CLINT1: variants seen among roughly 807,000 people sequenced by gnomAD.
CLINT1 encodes clathrin interactor 1.
A neutral mutation model predicts 70.4 loss-of-function variants in CLINT1; 15 were observed. The observed-to-expected ratio is 0.21, with a 90% confidence interval of 0.14 to 0.33. The LOEUF (loss-of-function observed/expected upper bound fraction) is 0.33, where lower values mean the gene tolerates loss of function less well. Among genes scored for constraint, CLINT1 ranks in the 10% least tolerant of loss-of-function variants. CLINT1 has a pLI of 1.00. For missense variants in CLINT1, 615 were observed against 778.1 expected, an observed-to-expected ratio of 0.79 and a Z score of 2.49; for synonymous variants, 227 against 254.7, an observed-to-expected ratio of 0.89 and a Z score of 1.04.
At chr5:157,834,931 A>G (rs961089092) in intron 1 of CLINT1, among the ~76,000 whole-genome samples, 20 of 152,162 alleles carry the variant, frequency 1.3e-4, no homozygotes, top group African/African-American at 4.8e-4. Context: ...AAATTTGCCT[A>G]CTCACTAAAA....
chr5:157,840,261 A>C (rs1246499986), intron 1 of CLINT1, among the ~76,000 whole-genome samples: 3 of 151,574 alleles, frequency 2.0e-5, no homozygotes, highest in East Asian at 1.9e-4. Context: ...AAAAAAAAAA[A>C]ACAAAAAACT....
intron 1 of CLINT1, among the ~76,000 whole-genome samples, chr5:157,841,548 A>C (rs1241142465): frequency 6.6e-6 from 1 of 152,176 alleles, no homozygotes; most frequent in Admixed American, 6.5e-5. Flanking sequence ...CCTGGGTGAC[A>C]GAGTGAGACT....
chr5:157,804,442 A>G (rs1014304562), intron 7 of CLINT1, among the ~76,000 whole-genome samples: 3 of 152,180 alleles, frequency 2.0e-5, no homozygotes, highest in African/African-American at 7.2e-5. Flanking sequence ...TTAGAACTCA[A>G]TTATTAGGCA....
At chr5:157,812,148 A>G (rs1762584058) in intron 5 of CLINT1, among the ~76,000 whole-genome samples, 1 of 148,152 alleles carries the variant, frequency 6.7e-6, no homozygotes, top group Non-Finnish European at 1.5e-5. Context: ...TGAGAGTGGG[A>G]AAGCAGAGGA....
intron 8 of CLINT1, 112 bp downstream of exon 8, chr5:157,803,538 A>T (rs1762292445): frequency 1.5e-6 from 1 of 659,346 alleles, no homozygotes; most frequent in Non-Finnish European, 2.3e-6. Flanking sequence ...CTAATTTCAT[A>T]TAAAAAATGA....
At chr5:157,829,424 A>T (rs1581520190) in intron 1 of CLINT1, among the ~76,000 whole-genome samples, 1 of 152,256 alleles carries the variant, frequency 6.6e-6, no homozygotes, top group East Asian at 1.9e-4. Flanking sequence ...AAAGGGTTCC[A>T]GGGAAGGTCT....
chr5:157,836,411 T>C (rs1763424605), intron 1 of CLINT1, among the ~76,000 whole-genome samples: 1 of 152,220 alleles, frequency 6.6e-6, no homozygotes, highest in African/African-American at 2.4e-5. Context: ...GACCATGTTA[T>C]TAATTGCTGT....
At chr5:157,836,980 A>G (rs756935481) in intron 1 of CLINT1, among the ~76,000 whole-genome samples, 2 of 152,232 alleles carry the variant, frequency 1.3e-5, no homozygotes, top group Non-Finnish European at 2.9e-5. Context: ...TGATCAATAA[A>G]TACTCATTAT....
chr5:157,846,166 T>C (rs1056982020), intron 1 of CLINT1, among the ~76,000 whole-genome samples: 1 of 152,176 alleles, frequency 6.6e-6, no homozygotes. Flanking sequence ...AATCAAAAGC[T>C]AGAAATGATT....
At chr5:157,845,847 C>G (rs922278640) in intron 1 of CLINT1, among the ~76,000 whole-genome samples, 5 of 152,204 alleles carry the variant, frequency 3.3e-5, no homozygotes, top group African/African-American at 1.2e-4. Context: ...AGCCACCATG[C>G]CCGGCCGCAT....
At chr5:157,789,542 A>G in intron 10 of CLINT1, 29 bp from the exon 11 acceptor site, 1 of 1,613,992 alleles carries the variant, frequency 6.2e-7, no homozygotes, top group Non-Finnish European at 8.5e-7. Context: ...AGGCTTCTGC[A>G]GCACTGTGCT....
At chr5:157,815,503 C>G (rs769042896) in intron 3 of CLINT1, among the ~76,000 whole-genome samples, 3 of 152,024 alleles carry the variant, frequency 2.0e-5, no homozygotes, top group Non-Finnish European at 4.4e-5. Context: ...TGGAACAAAC[C>G]TCACTTGATC....
chr5:157,801,351 A>G (rs1762214523), intron 8 of CLINT1, among the ~76,000 whole-genome samples: 2 of 151,814 alleles, frequency 1.3e-5, no homozygotes, highest in African/African-American at 4.8e-5. Flanking sequence ...TACTAAAAAT[A>G]CAAAAATCAG....
rs1762609818 is a variant in CLINT1, at chr5:157,813,056, T to C, written c.517+7A>G. The stretch of plus-strand genomic sequence containing the variant: ...TGCTTAGGTGTCAGCTTGTCTTTGA[T>C]ACTCACTGTATCTGAATCCTCCAAC... On this transcript the variant is annotated splice_region_variant and intron_variant, in intron 5 of 11. Transcript: ENST00000411809. 6.2e-7 allele frequency: 1 copy of C among 1,612,396 alleles called. No homozygotes were observed. The highest frequency in any genetic ancestry group is 1.3e-5 in the African/African-American group (1 of 74,906).
At chr5:157,805,780 AT>A in intron 7 of CLINT1, 85 bp downstream of exon 7, 1 of 1,505,054 alleles carries the variant, frequency 6.6e-7, no homozygotes, top group Non-Finnish European at 9.1e-7. Context: ...TTGCCTAGAA[AT>A]GCCCAAGCCT....
chr5:157,843,771 T>C (rs1753275673), intron 1 of CLINT1, among the ~76,000 whole-genome samples: 1 of 152,132 alleles, frequency 6.6e-6, no homozygotes, highest in South Asian at 2.1e-4. Flanking sequence ...TAAAATCAGT[T>C]AGCCTTAAAA....
intron 9 of CLINT1, among the ~76,000 whole-genome samples, chr5:157,794,292 TA>T (rs908095492): frequency 1.1e-3 from 169 of 149,298 alleles, no homozygotes; most frequent in African/African-American, 2.8e-3. Context: ...AAATATTAAT[TA>T]AAAAAAAAAT....
At chr5:157,791,606 T>C (rs1761907300) in intron 10 of CLINT1, 97 bp downstream of exon 10, 36 of 1,133,622 alleles carry the variant, frequency 3.2e-5, no homozygotes, top group Non-Finnish European at 4.5e-5. Flanking sequence ...TAAAAAGGAC[T>C]TGCTTATTTT....
intron 9 of CLINT1, among the ~76,000 whole-genome samples, chr5:157,793,140 G>T (rs1761969148): frequency 6.6e-6 from 1 of 151,380 alleles, no homozygotes; most frequent in African/African-American, 2.4e-5. Flanking sequence ...GAAACTCCAA[G>T]TTCTACTAAC....
Sources: allele counts gnomAD v4.1 joint callset (sites outside exome capture counted in the v4.1 genomes callset), GRCh38; gene constraint gnomAD v4.1.1; transcripts MANE v1.5; gene names NCBI Gene and HGNC (gene_info 2026-07-23, HGNC 2026-07-21).